COL24A1: variants seen among roughly 807,000 people sequenced by gnomAD.
COL24A1 encodes collagen alpha-1(XXIV) chain.
Under a neutral mutation model 253.9 loss-of-function variants are expected in COL24A1, and 224 were observed. The observed-to-expected ratio is 0.88, with a 90% CI of 0.79 to 0.99. COL24A1 has a LOEUF of 0.99. Ranked by LOEUF, COL24A1 falls within the 50% of genes least tolerant of loss-of-function variation. The probability of loss-of-function intolerance (pLI) is 0.00; values close to 1 mark genes in which losing one functional copy is unlikely to be tolerated. For missense variants in COL24A1, 2,131 were observed against 2,068.5 expected (o/e 1.03, Z -0.59); for synonymous variants, 685 against 673.7 (o/e 1.02, Z -0.26).
intron 7 of COL24A1, among the ~76,000 whole-genome samples, chr1:86,069,619 C>G (rs1397086510): frequency 6.6e-6 from 1 of 151,558 alleles, no homozygotes; most frequent in Non-Finnish European, 1.5e-5. Context: ...CCACAGGGTG[C>G]CTGTATCTCC....
chr1:86,142,447 T>C (rs972305234), intron 2 of COL24A1, among the ~76,000 whole-genome samples: 1 of 149,528 alleles, frequency 6.7e-6, no homozygotes, highest in Admixed American at 6.8e-5. Flanking sequence ...GGCGTGAACC[T>C]GGGAGGCAGA....
intron 24 of COL24A1, among the ~76,000 whole-genome samples, chr1:85,925,027 AACAG>A (rs1176015809): frequency 1.3e-5 from 2 of 152,180 alleles, no homozygotes; most frequent in Non-Finnish European, 2.9e-5. Flanking sequence ...ATACACCAAT[AACAG>A]ACAAACAGAG....
chr1:86,115,679 T>G (rs1357166984), intron 3 of COL24A1, among the ~76,000 whole-genome samples: 1 of 152,214 alleles, frequency 6.6e-6, no homozygotes, highest in Non-Finnish European at 1.5e-5. Flanking sequence ...TTTACCTAAA[T>G]TTACTTTTAC....
At chr1:85,841,480 A>G (rs901460238) in intron 41 of COL24A1, among the ~76,000 whole-genome samples, 11 of 152,300 alleles carry the variant, frequency 7.2e-5, no homozygotes, top group African/African-American at 1.9e-4. Context: ...GGAGGTATCA[A>G]TCTCCTTTAA....
At chr1:86,114,545 C>G (rs1030693353) in intron 4 of COL24A1, among the ~76,000 whole-genome samples, 3 of 152,116 alleles carry the variant, frequency 2.0e-5, no homozygotes, top group Admixed American at 2.0e-4. Flanking sequence ...AGGTCATCAA[C>G]TACAGAGAAT....
intron 37 of COL24A1, among the ~76,000 whole-genome samples, chr1:85,860,689 C>A (rs924457426): frequency 3.3e-5 from 5 of 152,150 alleles, no homozygotes; most frequent in African/African-American, 9.7e-5. Flanking sequence ...TGCAGTGAGC[C>A]AAGATCGTGC....
In COL24A1 at chr1:85,896,429, C is replaced by T; in HGVS notation, c.2779-20G>A. 1 of 1,599,360 alleles carries T rather than the reference C, an allele frequency of 6.3e-7. No homozygotes were observed. Among genetic ancestry groups the T allele is most frequent in the Non-Finnish European group, 8.6e-7 (1 of 1,167,134 alleles). On this transcript the variant is annotated intron_variant, in intron 28 of 59. Coordinates refer to ENST00000370571, the MANE Select transcript of COL24A1 (RefSeq NM_152890.7). Reference sequence around the variant, plus strand: ...TGATCCCTAGAGGTGAAAAAAATATCCTGTTGTTAATTTGAAATGTTCCTT... The same window carrying T: ...TGATCCCTAGAGGTGAAAAAAATATTCTGTTGTTAATTTGAAATGTTCCTT...
At chr1:85,737,578 TGA>T (rs759413827) in intron 57 of COL24A1, 73 bp from the exon 58 acceptor site, 14 of 1,010,556 alleles carry the variant, frequency 1.4e-5, no homozygotes, top group East Asian at 2.8e-5. Flanking sequence ...TTTTTTTTTT[TGA>T]GAGAGAGAGT....
rs57193756 is a variant in COL24A1, at chr1:86,107,508, A to AATTTATTT, written c.1599+5051_1599+5058dup. 5.8e-3 allele frequency among the ~76,000 whole-genome samples: 843 copies of AATTTATTT among 145,134 alleles called. 1 individual carries two copies. Among genetic ancestry groups the AATTTATTT allele is most frequent in the East Asian group, 0.024 (111 of 4,692 alleles). ...TATGATACATTTGTGACACAATGGT[A>AATTTATTT]ATTTATTTATTTATTTATTTATTTA... On this transcript the variant is annotated intron_variant, in intron 5 of 59. Transcript: ENST00000370571.
At chr1:86,103,121 T>A (rs1704621385) in intron 5 of COL24A1, among the ~76,000 whole-genome samples, 1 of 152,222 alleles carries the variant, frequency 6.6e-6, no homozygotes. Flanking sequence ...TTGAACCTTT[T>A]ACCATTATAT....
At chr1:85,918,458 T>G (rs1390047906) in intron 24 of COL24A1, among the ~76,000 whole-genome samples, 1 of 152,208 alleles carries the variant, frequency 6.6e-6, no homozygotes, top group Non-Finnish European at 1.5e-5. Context: ...TTGTCTGTTT[T>G]TCTCCCTTTG....
chr1:85,976,972 C>G (rs562342664), intron 20 of COL24A1, among the ~76,000 whole-genome samples: 1 of 152,326 alleles, frequency 6.6e-6, no homozygotes, highest in South Asian at 2.1e-4. Flanking sequence ...GTCTACTTCA[C>G]TCCCCTGCCA....
At chr1:86,058,989 T>C in intron 9 of COL24A1, 132 bp downstream of exon 9, 3 of 569,584 alleles carry the variant, frequency 5.3e-6, no homozygotes, top group Non-Finnish European at 8.7e-6. Flanking sequence ...AACTTTGATT[T>C]TGAAATTATT....
At chr1:85,739,781 T>C (rs532021941) in intron 57 of COL24A1, among the ~76,000 whole-genome samples, 1 of 152,258 alleles carries the variant, frequency 6.6e-6, no homozygotes, top group East Asian at 1.9e-4. Context: ...ACCCTCTTAC[T>C]TTTCCACCAA....
At chr1:85,850,603 T>G (rs939828393) in intron 37 of COL24A1, among the ~76,000 whole-genome samples, 5 of 152,178 alleles carry the variant, frequency 3.3e-5, no homozygotes, top group African/African-American at 1.2e-4. Context: ...AAGAGGCTGA[T>G]TAATCTTCAT....
intron 18 of COL24A1, among the ~76,000 whole-genome samples, chr1:86,020,439 G>A (rs905486310): frequency 1.3e-5 from 2 of 152,118 alleles, no homozygotes; most frequent in Admixed American, 6.5e-5. Context: ...AGTAGGTTAA[G>A]TGCCAGAGCT....
intron 19 of COL24A1, among the ~76,000 whole-genome samples, chr1:86,004,908 C>T (rs1034386323): frequency 6.6e-6 from 1 of 152,202 alleles, no homozygotes; most frequent in East Asian, 1.9e-4. Context: ...GGAAGCAAGA[C>T]TGCTTCAATC....
intron 37 of COL24A1, among the ~76,000 whole-genome samples, chr1:85,860,080 G>A (rs1489535129): frequency 1.3e-5 from 2 of 152,156 alleles, no homozygotes; most frequent in African/African-American, 4.8e-5. Flanking sequence ...TTTAGACTTT[G>A]TGAAAGTAGC....
intron 53 of COL24A1, among the ~76,000 whole-genome samples, chr1:85,768,584 G>GT (rs1667620355): frequency 8.9e-5 from 3 of 33,648 alleles, no homozygotes; most frequent in Admixed American, 2.8e-4. Context: ...TAGTTCTTTT[G>GT]TGCGGGGGGA....
Sources: allele counts gnomAD v4.1 joint callset (sites outside exome capture counted in the v4.1 genomes callset), GRCh38; gene constraint gnomAD v4.1.1; transcripts MANE v1.5; gene names NCBI Gene and HGNC (gene_info 2026-07-23, HGNC 2026-07-21).